Variants in DCLK2 observed in about 807,000 individuals in gnomAD.
DCLK2 encodes serine/threonine-protein kinase DCLK2.
A neutral mutation model predicts 78.4 loss-of-function variants in DCLK2; 31 were observed. The observed-to-expected ratio is 0.40, with a 90% confidence interval of 0.30 to 0.53. The LOEUF is 0.53. Among genes scored for constraint, DCLK2 ranks in the 20% least tolerant of loss-of-function variants. The probability of loss-of-function intolerance (pLI) is 0.61; values close to 1 mark genes in which losing one functional copy is unlikely to be tolerated. For missense variants in DCLK2, 872 were observed against 973.7 expected, an observed-to-expected ratio of 0.90 and a Z score of 1.39; for synonymous variants, 407 against 374.9, an observed-to-expected ratio of 1.09 and a Z score of -0.99.
chr4:150,229,042 A>C (rs1741835760), intron 8 of DCLK2, among the ~76,000 whole-genome samples: 1 of 151,436 alleles, frequency 6.6e-6, no homozygotes, highest in South Asian at 2.1e-4. Context: ...CAAAAAAAAA[A>C]CAAAAAAAAA....
chr4:150,091,767 TTATGTGTGTGTGTG>T (rs1730093032), intron 1 of DCLK2, among the ~76,000 whole-genome samples: 1 of 133,720 alleles, frequency 7.5e-6, no homozygotes, highest in Admixed American at 7.6e-5. Context: ...AAAGGAACAT[TTATGTGTGTGTGTG>T]TGTGTGTGTG....
chr4:150,089,970 G>A (rs559901803), intron 1 of DCLK2, among the ~76,000 whole-genome samples: 4 of 152,276 alleles, frequency 2.6e-5, no homozygotes, highest in Non-Finnish European at 4.4e-5. Flanking sequence ...TCTTTTATAC[G>A]TATGAAGTCC....
At chr4:150,247,471 C>A in intron 12 of DCLK2, 132 bp from the exon 13 acceptor site, 1 of 643,248 alleles carries the variant, frequency 1.6e-6, no homozygotes, top group Middle Eastern at 2.5e-4. Context: ...AATTGAGATA[C>A]ATAATTGAGA....
chr4:150,237,600 C>T (rs894890496), intron 10 of DCLK2, among the ~76,000 whole-genome samples: 30 of 152,192 alleles, frequency 2.0e-4, no homozygotes, highest in Admixed American at 2.0e-4. Flanking sequence ...TTTAAAATGC[C>T]TGTAAAACTT....
chr4:150,120,664 C>G (rs1732465217), intron 2 of DCLK2, among the ~76,000 whole-genome samples: 2 of 152,154 alleles, frequency 1.3e-5, no homozygotes, highest in African/African-American at 4.8e-5. Flanking sequence ...TAAAGTACAT[C>G]ACACAAAATG....
intron 2 of DCLK2, among the ~76,000 whole-genome samples, chr4:150,104,394 TAAAAAAAAAAAAA>T (rs34276664): frequency 5.4e-4 from 16 of 29,762 alleles, no homozygotes; most frequent in East Asian, 4.4e-3. Context: ...CCACATCTCC[TAAAAAAAAAAAAA>T]AAAAAAAAAA....
At chr4:150,107,044 G>A (rs1262453147) in intron 2 of DCLK2, among the ~76,000 whole-genome samples, 1 of 152,164 alleles carries the variant, frequency 6.6e-6, no homozygotes, top group Non-Finnish European at 1.5e-5. Context: ...GATTGTTGAA[G>A]CTGGGGTTGG....
intron 1 of DCLK2, among the ~76,000 whole-genome samples, chr4:150,092,197 T>A (rs1208897306): frequency 6.6e-6 from 1 of 152,168 alleles, no homozygotes; most frequent in Non-Finnish European, 1.5e-5. Context: ...ATTTTCCTTA[T>A]CAGTTCATCC....
intron 12 of DCLK2, among the ~76,000 whole-genome samples, chr4:150,241,112 C>T (rs1435770440): frequency 2.6e-5 from 4 of 152,204 alleles, no homozygotes; most frequent in Non-Finnish European, 4.4e-5. Context: ...TCCAAGCATT[C>T]AAGTTTGTTC....
At chr4:150,192,771 G>A (rs1738561719) in intron 2 of DCLK2, among the ~76,000 whole-genome samples, 2 of 152,162 alleles carry the variant, frequency 1.3e-5, no homozygotes, top group South Asian at 2.1e-4. Flanking sequence ...TTAGGAGAGG[G>A]AAGAAGGGCA....
intron 2 of DCLK2, among the ~76,000 whole-genome samples, chr4:150,171,581 A>C (rs1736534591): frequency 6.6e-6 from 1 of 152,248 alleles, no homozygotes; most frequent in Admixed American, 6.5e-5. Flanking sequence ...CAGCATATTT[A>C]ATGCAGAAAG....
chr4:150,254,265 C>T (rs932891439), intron 15 of DCLK2, among the ~76,000 whole-genome samples: 2 of 152,212 alleles, frequency 1.3e-5, no homozygotes, highest in Non-Finnish European at 2.9e-5. Flanking sequence ...TGCCTTGTTT[C>T]AGGGGGAAGT....
rs1742705047 is a variant in DCLK2, at chr4:150,238,993, G to A, written c.1567-749G>A. 2.6e-5 allele frequency among the ~76,000 whole-genome samples: 4 copies of A among 152,172 alleles called. No individual in the cohort carries two copies. The South Asian group carries it at 8.3e-4, about 31-fold the overall frequency. Reference sequence around the variant, plus strand: ...GAACTAAACATGCTAGTGCCGTGGAGATCACCAAGTGCTTTGGTGGACACT... The same window carrying A: ...GAACTAAACATGCTAGTGCCGTGGAAATCACCAAGTGCTTTGGTGGACACT... On this transcript the variant is annotated intron_variant, in intron 10 of 15. Transcript: ENST00000296550.
chr4:150,153,841 C>A (rs1253345045), intron 2 of DCLK2, among the ~76,000 whole-genome samples: 1 of 152,102 alleles, frequency 6.6e-6, no homozygotes, highest in Non-Finnish European at 1.5e-5. Flanking sequence ...GCTAGAAAAC[C>A]AGGAAGCCCA....
chr4:150,130,381 A>G (rs1733222295), intron 2 of DCLK2, among the ~76,000 whole-genome samples: 1 of 152,112 alleles, frequency 6.6e-6, no homozygotes, highest in Admixed American at 6.6e-5. Flanking sequence ...GAATGCAAAC[A>G]GGGCTAGAAC....
At chr4:150,086,294 CAGTT>C (rs1729632259) in intron 1 of DCLK2, among the ~76,000 whole-genome samples, 1 of 152,096 alleles carries the variant, frequency 6.6e-6, no homozygotes, top group South Asian at 2.1e-4. Context: ...GCCAGTTGGA[CAGTT>C]AGCCAGATTT....
At chr4:150,191,869 C>CT (rs929894043) in intron 2 of DCLK2, among the ~76,000 whole-genome samples, 1 of 152,116 alleles carries the variant, frequency 6.6e-6, no homozygotes, top group African/African-American at 2.4e-5. Context: ...AGTGAGACCT[C>CT]TTTTTTTCCC....
intron 2 of DCLK2, among the ~76,000 whole-genome samples, chr4:150,114,837 C>A (rs1038313833): frequency 1.3e-5 from 2 of 152,190 alleles, no homozygotes; most frequent in African/African-American, 4.8e-5. Flanking sequence ...TTTGTGTTGA[C>A]TTTAGATAGC....
At chr4:150,084,438 C>G (rs1489902343) in intron 1 of DCLK2, among the ~76,000 whole-genome samples, 1 of 152,214 alleles carries the variant, frequency 6.6e-6, no homozygotes, top group Non-Finnish European at 1.5e-5. Context: ...GAGGGAATGA[C>G]TCTTCCATAA....
Sources: gnomAD v4.1 joint callset for allele counts (sites outside exome capture counted in the v4.1 genomes callset) on GRCh38, gnomAD v4.1.1 for gene constraint, MANE v1.5 for transcripts, NCBI Gene and HGNC (gene_info 2026-07-23, HGNC 2026-07-21) for gene names.